LDHB: variants seen among roughly 807,000 people sequenced by gnomAD.
The protein encoded by LDHB is L-lactate dehydrogenase B chain.
LDHB carries 18 observed loss-of-function variants against 33.4 expected under a neutral mutation model. That is an observed-to-expected ratio of 0.54 (90% CI 0.37 to 0.80). The LOEUF is 0.80. Ranked by LOEUF, LDHB falls within the 30% of genes least tolerant of loss-of-function variation. The pLI is 0.00. For missense variants in LDHB, 345 were observed against 407.9 expected, an observed-to-expected ratio of 0.85 and a Z score of 1.33; for synonymous variants, 121 against 140.6, an observed-to-expected ratio of 0.86 and a Z score of 0.98.
chr12:21,637,685 C>T (rs1650286), intron 6 of LDHB, among the ~76,000 whole-genome samples: 143,698 of 152,038 alleles, frequency 0.95, 68,407 homozygotes, highest in East Asian at 1. Context: ...AAGGCCCTGG[C>T]ACTTGAGAAG....
In LDHB at chr12:21,657,775, C is replaced by T. The variant is rs774228665; in HGVS notation, c.-31G>A. ...CCAGGAGAGAGAAGGCTCTGGAGAC[C>T]TCTGTAACAGTCGTGCGGAGAAGAC... On this transcript the variant is annotated 5_prime_UTR_variant, in exon 1 of 8. Coordinates refer to ENST00000350669, the MANE Select transcript of LDHB (RefSeq NM_002300.8). 6.6e-6 allele frequency: 1 copy of T among 152,354 alleles called. No individual in the cohort carries two copies. The highest frequency in any genetic ancestry group is 1.5e-5 in the Non-Finnish European group (1 of 68,126). 9.4% of individuals were successfully genotyped at this position (152,354 alleles called of 1,614,324 possible). A position where few individuals can be genotyped will look rare whatever the true frequency, so the allele number is the denominator to read the frequency against.
chr12:21,651,320 T>C lies in LDHB; in HGVS notation c.129+3223A>G, dbSNP rs529053344. On this transcript the variant is annotated intron_variant, in intron 2 of 7. Transcript: ENST00000350669. ...GCACTGTAAAATGACTGGAGAGTTT[T>C]AAGTAGCGGAGCCACTAGTTTTACA... is the stretch of plus-strand genomic sequence containing the variant. 2.4e-3 allele frequency among the ~76,000 whole-genome samples: 368 copies of C among 152,346 alleles called. 1 individual carries two copies. The highest frequency in any genetic ancestry group is 8.1e-3 in the African/African-American group (338 of 41,576).
chr12:21,635,808 GT>G lies in LDHB; in HGVS notation c.838-100del, dbSNP rs993643681. ...GTGGGAGGACTGTTTGAGCCCAGGAGTTTGAAGCTTCAGTGAGCTATGACAG... is the reference window on the plus strand; with the variant it reads ...GTGGGAGGACTGTTTGAGCCCAGGAGTTGAAGCTTCAGTGAGCTATGACAG... On this transcript the variant is annotated intron_variant, in intron 7 of 7. Coordinates refer to ENST00000350669, the MANE Select transcript of LDHB (RefSeq NM_002300.8). The G allele has an allele frequency of 4.7e-6, 5 of 1,075,232 alleles. No homozygotes were observed. In the Admixed American group the frequency reaches 9.8e-5, roughly 21 times the overall value. 66.6% of individuals were successfully genotyped at this position (1,075,232 alleles called of 1,614,324 possible). A position where few individuals can be genotyped will look rare whatever the true frequency, so the allele number is the denominator to read the frequency against.
At chr12:21,649,471 CCA>C (rs779642442) in intron 2 of LDHB, among the ~76,000 whole-genome samples, 6 of 152,090 alleles carry the variant, frequency 3.9e-5, no homozygotes, top group South Asian at 2.1e-4. Context: ...AATGAATTTT[CCA>C]TATATATATT....
chr12:21,652,227 T>C (rs536048852), intron 2 of LDHB, among the ~76,000 whole-genome samples: 21 of 152,348 alleles, frequency 1.4e-4, no homozygotes, highest in African/African-American at 4.6e-4. Context: ...AATTAATACA[T>C]TTATTTTTTT....
chr12:21,646,720 T>A (rs1348180738), intron 3 of LDHB, among the ~76,000 whole-genome samples, 179 bp downstream of exon 3: 1 of 151,944 alleles, frequency 6.6e-6, no homozygotes, highest in Non-Finnish European at 1.5e-5. Flanking sequence ...AATTTTGCAA[T>A]AATCTGAATT....
chr12:21,637,239 T>A, intron 6 of LDHB, 45 bp from the exon 7 acceptor site: 1 of 1,481,572 alleles, frequency 6.7e-7, no homozygotes, highest in East Asian at 2.3e-5. Context: ...GACTCAATCA[T>A]TATTGAAACC....
chr12:21,653,944 G>T (rs1213445519), intron 2 of LDHB, among the ~76,000 whole-genome samples: 1 of 152,172 alleles, frequency 6.6e-6, no homozygotes, highest in African/African-American at 2.4e-5. Context: ...TGAACCAGGG[G>T]ATTAAGTTCA....
At chr12:21,647,043 A>C in intron 2 of LDHB, 27 bp from the exon 3 acceptor site, 3 of 1,361,832 alleles carry the variant, frequency 2.2e-6, no homozygotes, top group Non-Finnish European at 2.1e-6. Flanking sequence ...AGGCATTAGA[A>C]CCCTAAGCCA....
intron 2 of LDHB, among the ~76,000 whole-genome samples, chr12:21,652,832 A>G (rs563340095): frequency 6.6e-6 from 1 of 152,368 alleles, no homozygotes; most frequent in South Asian, 2.1e-4. Flanking sequence ...AGCAAATGCA[A>G]AAGGATAAAA....
intron 7 of LDHB, among the ~76,000 whole-genome samples, chr12:21,636,642 T>C (rs1468660559): frequency 2.0e-5 from 3 of 152,140 alleles, no homozygotes; most frequent in Non-Finnish European, 4.4e-5. Context: ...TAGTTTTGTT[T>C]AAAAAATCAT....
At chr12:21,639,442 T>C (rs1445053749) in intron 5 of LDHB, among the ~76,000 whole-genome samples, 3 of 151,624 alleles carry the variant, frequency 2.0e-5, no homozygotes, top group Non-Finnish European at 3.0e-5. Flanking sequence ...GCCTTATTTT[T>C]TTTCTCACTA....
chr12:21,642,474 TC>T (rs969751943), intron 4 of LDHB, among the ~76,000 whole-genome samples: 3 of 152,052 alleles, frequency 2.0e-5, no homozygotes, highest in Non-Finnish European at 2.9e-5. Context: ...CAGTTAAGTT[TC>T]CCCCAGTTGT....
chr12:21,639,180 G>T (rs1938295124), intron 5 of LDHB, among the ~76,000 whole-genome samples: 1 of 151,766 alleles, frequency 6.6e-6, no homozygotes, highest in South Asian at 2.1e-4. Context: ...GGCAAGTTAG[G>T]GTAATTGGAT....
intron 1 of LDHB, among the ~76,000 whole-genome samples, 199 bp from the exon 2 acceptor site, chr12:21,654,876 A>G (rs1190758240): frequency 6.6e-6 from 1 of 151,974 alleles, no homozygotes; most frequent in Admixed American, 6.6e-5. Context: ...TAATCCCAAC[A>G]CTTTGGGAGG....
intron 5 of LDHB, among the ~76,000 whole-genome samples, chr12:21,640,262 AAAG>A (rs1346700496): frequency 1.3e-5 from 2 of 151,582 alleles, no homozygotes; most frequent in African/African-American, 2.4e-5. Context: ...AAAATTGTTC[AAAG>A]AATAATTAAT....
At chr12:21,638,148 T>C in intron 6 of LDHB, among the ~76,000 whole-genome samples, 1 of 152,060 alleles carries the variant, frequency 6.6e-6, no homozygotes, top group Non-Finnish European at 1.5e-5. Flanking sequence ...ACAATAGAGT[T>C]TCTCTAGAGA....
chr12:21,644,175 C>G lies in LDHB; in HGVS notation c.248-67G>C, dbSNP rs1200966034. ...CTTCATTATAACATAACCTATATGACATGCTCTAAAAGCCTAACCATACAT... is the reference window on the plus strand; with the variant it reads ...CTTCATTATAACATAACCTATATGAGATGCTCTAAAAGCCTAACCATACAT... On this transcript the variant is annotated intron_variant, in intron 3 of 7. Coordinates refer to ENST00000350669, the MANE Select transcript of LDHB (RefSeq NM_002300.8). 5 of 1,183,204 alleles carry G rather than the reference C, an allele frequency of 4.2e-6. No homozygotes were observed. The Admixed American group carries it at 8.9e-5, about 21-fold the overall frequency. The allele number at this position is 1,183,204 out of a possible 1,614,324, so 73.3% of individuals were successfully genotyped here. A position where few individuals can be genotyped will look rare whatever the true frequency, so the allele number is the denominator to read the frequency against.
intron 1 of LDHB, among the ~76,000 whole-genome samples, chr12:21,655,447 G>A (rs1321434017): frequency 6.6e-6 from 1 of 152,200 alleles, no homozygotes; most frequent in Non-Finnish European, 1.5e-5. Context: ...ATCATTCTTG[G>A]AAGATAGGGA....
Sources: allele counts gnomAD v4.1 joint callset (sites outside exome capture counted in the v4.1 genomes callset), GRCh38; gene constraint gnomAD v4.1.1; transcripts MANE v1.5; gene names NCBI Gene and HGNC (gene_info 2026-07-23, HGNC 2026-07-21).